The following NCKAP5 variants were observed in gnomAD, a reference collection of about 807,000 sequenced individuals.
NCKAP5 encodes the protein NCK associated protein 5, also known as nck-associated protein 5.
Under a neutral mutation model 167.0 loss-of-function variants are expected in NCKAP5, and 92 were observed. The ratio of observed to expected loss-of-function variants is 0.55; its 90% confidence interval spans 0.47 to 0.66. The LOEUF (loss-of-function observed/expected upper bound fraction) is 0.66. Among genes scored for constraint, NCKAP5 ranks in the 30% least tolerant of loss-of-function variants. The pLI is 0.00. For missense variants in NCKAP5, 2,378 were observed against 2,315.0 expected (o/e 1.03, Z -0.56); for synonymous variants, 891 against 877.4 (o/e 1.02, Z -0.27).
chr2:132,780,281 C>T (rs779599417), intron 15 of NCKAP5, among the ~76,000 whole-genome samples: 8 of 152,100 alleles, frequency 5.3e-5, no homozygotes, highest in South Asian at 2.1e-4. Context: ...CCTCCCAAGT[C>T]GCTGGGACTG....
At chr2:132,841,215 T>G (rs529300690) in intron 11 of NCKAP5, among the ~76,000 whole-genome samples, 4 of 150,088 alleles carry the variant, frequency 2.7e-5, no homozygotes, top group Admixed American at 6.7e-5. Context: ...TAAAATAATT[T>G]AATACAATTC....
At chr2:133,541,614 C>T (rs1383270365) in intron 2 of NCKAP5, among the ~76,000 whole-genome samples, 1 of 151,658 alleles carries the variant, frequency 6.6e-6, no homozygotes, top group East Asian at 1.9e-4. Context: ...ATCTTTGCTC[C>T]TTTAGGACTT....
chr2:132,779,600 G>GAA (rs57361647), intron 15 of NCKAP5, among the ~76,000 whole-genome samples: 27 of 91,348 alleles, frequency 3.0e-4, no homozygotes, highest in Non-Finnish European at 3.3e-4. Context: ...ATGAGGGAAA[G>GAA]AAAAAAAAAA....
intron 8 of NCKAP5, among the ~76,000 whole-genome samples, chr2:132,962,963 G>A (rs2076561545): frequency 1.3e-5 from 2 of 152,070 alleles, no homozygotes; most frequent in Admixed American, 1.3e-4. Flanking sequence ...TGCGTTTTTA[G>A]ATGTTGGGTG....
intron 16 of NCKAP5, among the ~76,000 whole-genome samples, chr2:132,771,938 G>A (rs930320043): frequency 1.5e-4 from 22 of 145,218 alleles, no homozygotes; most frequent in African/African-American, 5.7e-4. Context: ...TGATCCACCT[G>A]CCTTGGCCTC....
rs115556087 is a variant in NCKAP5 at position 133,146,931 on chromosome 2, T to C, written c.208-16820A>G. 7.9e-3 allele frequency among the ~76,000 whole-genome samples: 1,200 copies of C among 152,268 alleles called. 19 individuals are homozygous for C. The highest frequency in any genetic ancestry group is 0.028 in the African/African-American group (1,145 of 41,554). On this transcript the variant is annotated intron_variant, in intron 5 of 19. Transcript: ENST00000409261. ...TTAAATCATTTAAACCTTGCATGTA[T>C]ATATCCATGGCAAACAGCAACAAAG...
chr2:133,439,821 TA>T (rs1383833299), intron 3 of NCKAP5, among the ~76,000 whole-genome samples: 1 of 152,214 alleles, frequency 6.6e-6, no homozygotes, highest in African/African-American at 2.4e-5. Flanking sequence ...GCAAGTCTAG[TA>T]ACCATGGAAC....
chr2:133,252,797 C>T (rs990607131), intron 4 of NCKAP5, among the ~76,000 whole-genome samples: 2 of 152,184 alleles, frequency 1.3e-5, no homozygotes, highest in African/African-American at 4.8e-5. Flanking sequence ...AGTTATAGTG[C>T]ATGATGCCCA....
intron 5 of NCKAP5, among the ~76,000 whole-genome samples, chr2:133,181,830 T>C (rs1222513594): frequency 6.6e-6 from 1 of 151,944 alleles, no homozygotes; most frequent in Non-Finnish European, 1.5e-5. Context: ...GTACAGTGGA[T>C]TTAAAAACAT....
At chr2:133,238,170 G>A (rs757269311) in intron 4 of NCKAP5, among the ~76,000 whole-genome samples, 1 of 152,258 alleles carries the variant, frequency 6.6e-6, no homozygotes, top group Non-Finnish European at 1.5e-5. Context: ...AATTATATGA[G>A]CACACCTATT....
chr2:133,383,524 T>TA (rs1686688249), intron 3 of NCKAP5, among the ~76,000 whole-genome samples: 1 of 152,226 alleles, frequency 6.6e-6, no homozygotes, highest in Non-Finnish European at 1.5e-5. Flanking sequence ...GCAATAAACA[T>TA]ACGTGTGCAT....
chr2:132,857,966 T>C (rs574585054), intron 11 of NCKAP5, among the ~76,000 whole-genome samples: 2 of 152,314 alleles, frequency 1.3e-5, no homozygotes, highest in African/African-American at 4.8e-5. Flanking sequence ...TGGCTGTTTC[T>C]TATAAGTTAT....
At chr2:132,962,116 C>T (rs1436186640) in intron 8 of NCKAP5, among the ~76,000 whole-genome samples, 2 of 152,182 alleles carry the variant, frequency 1.3e-5, no homozygotes, top group Non-Finnish European at 2.9e-5. Context: ...GCTTACCTGT[C>T]TGCCTTCGGT....
chr2:133,090,790 C>A (rs1837136), intron 6 of NCKAP5, among the ~76,000 whole-genome samples: 1 of 92,926 alleles, frequency 1.1e-5, no homozygotes, highest in South Asian at 3.0e-4. Context: ...GGAGACTTGG[C>A]GGGGGAAATT....
chr2:133,498,262 CT>C (rs1276425141), intron 3 of NCKAP5, among the ~76,000 whole-genome samples: 2 of 152,096 alleles, frequency 1.3e-5, no homozygotes, highest in African/African-American at 4.8e-5. Flanking sequence ...GAGCAAACTG[CT>C]GCAAAAGGCT....
intron 3 of NCKAP5, among the ~76,000 whole-genome samples, chr2:133,398,448 A>T (rs1257486531): frequency 6.6e-6 from 1 of 152,172 alleles, no homozygotes; most frequent in Non-Finnish European, 1.5e-5. Flanking sequence ...TAAACCTTAG[A>T]GTGGTGCATT....
the NCKAP5 span, among the ~76,000 whole-genome samples, chr2:133,655,234 A>T: frequency 9.4e-4 from 143 of 152,294 alleles, 1 homozygote; most frequent in African/African-American, 3.3e-3. Context: ...CACTACACAC[A>T]TGCTGATGTA....
At chr2:133,634,121 C>T in the NCKAP5 span, among the ~76,000 whole-genome samples, 15 of 152,296 alleles carry the variant, frequency 9.8e-5, no homozygotes, top group Admixed American at 1.3e-4. Context: ...ATATTTCATA[C>T]GTGAAGTAAT....
At chr2:132,962,438 T>C (rs1326854101) in intron 8 of NCKAP5, among the ~76,000 whole-genome samples, 1 of 152,088 alleles carries the variant, frequency 6.6e-6, no homozygotes, top group Non-Finnish European at 1.5e-5. Flanking sequence ...CCCCAAGAAT[T>C]GAGCTTCAAA....
Sources: allele counts gnomAD v4.1 joint callset (sites outside exome capture counted in the v4.1 genomes callset), GRCh38; gene constraint gnomAD v4.1.1; transcripts MANE v1.5; gene names NCBI Gene and HGNC (gene_info 2026-07-23, HGNC 2026-07-21).